The following WDR25 variants were observed in gnomAD, a reference collection of about 807,000 sequenced individuals.
WDR25 encodes the protein WD repeat-containing protein 25.
Under a neutral mutation model 47.7 loss-of-function variants are expected in WDR25, and 35 were observed. The observed-to-expected ratio is 0.73, with a 90% CI of 0.56 to 0.97. The LOEUF is 0.97. Among genes scored for constraint, WDR25 ranks in the 50% least tolerant of loss-of-function variants. WDR25 has a pLI of 0.00. For synonymous variants in WDR25, 248 were observed against 278.9 expected (o/e 0.89, Z 1.10); for missense variants, 634 against 704.7 (o/e 0.90, Z 1.14).
chr14:100,493,801 G>A (rs928238928), intron 4 of WDR25, among the ~76,000 whole-genome samples: 1 of 152,150 alleles, frequency 6.6e-6, no homozygotes, highest in Non-Finnish European at 1.5e-5. Flanking sequence ...ATTAGGAGGC[G>A]GAGTCATTGG....
In WDR25 at chr14:100,388,432, G is replaced by T. The variant is rs565018678; in HGVS notation, c.822+6686G>T. 2.0e-5 allele frequency among the ~76,000 whole-genome samples: 3 copies of T among 152,338 alleles called. No individual in the cohort carries two copies. The South Asian group carries it at 6.2e-4, about 32-fold the overall frequency. ...AGGTGTTTGGATGCTTCCTAGTCTGGACACTATATTTGCTTCTCTTCTTTC... is the reference window on the plus strand; with the variant it reads ...AGGTGTTTGGATGCTTCCTAGTCTGTACACTATATTTGCTTCTCTTCTTTC... On this transcript the variant is annotated intron_variant, in intron 2 of 6. Coordinates refer to ENST00000402312, the MANE Select transcript of WDR25 (RefSeq NM_001161476.3).
chr14:100,528,992 C>G lies in WDR25; in HGVS notation c.1273-76C>G. 5 of 1,477,398 alleles carry G rather than the reference C, an allele frequency of 3.4e-6. No individual in the cohort carries two copies. The South Asian group carries it at 7.2e-5, about 21-fold the overall frequency. 91.5% of individuals were successfully genotyped at this position (1,477,398 alleles called of 1,614,324 possible). ...GAGACACCCAGCTAGGGTCTGGGAG[C>G]AGGCCCCAGGCCCCAGAGCAGAGTG... is the stretch of plus-strand genomic sequence containing the variant. On this transcript the variant is annotated intron_variant, in intron 5 of 6. Coordinates refer to ENST00000402312, the MANE Select transcript of WDR25 (RefSeq NM_001161476.3).
intron 2 of WDR25, among the ~76,000 whole-genome samples, chr14:100,458,445 A>G (rs192983511): frequency 2.6e-5 from 4 of 152,294 alleles, no homozygotes; most frequent in South Asian, 4.1e-4. Flanking sequence ...AGAAATAGTA[A>G]AATCCACAAT....
chr14:100,504,200 A>G (rs1047267593), intron 4 of WDR25, among the ~76,000 whole-genome samples: 3 of 152,304 alleles, frequency 2.0e-5, no homozygotes, highest in African/African-American at 7.2e-5. Flanking sequence ...CCCATCTAGT[A>G]ATTTGGCAAT....
chr14:100,512,516 T>C (rs1215320036), intron 4 of WDR25, among the ~76,000 whole-genome samples: 1 of 152,188 alleles, frequency 6.6e-6, no homozygotes, highest in African/African-American at 2.4e-5. Context: ...TAGAGGCTTA[T>C]AAATTTTATT....
chr14:100,496,828 CTTTTTTTTTTTT>C (rs1226765543), intron 4 of WDR25, among the ~76,000 whole-genome samples: 4 of 73,424 alleles, frequency 5.4e-5, no homozygotes, highest in African/African-American at 1.0e-4. Flanking sequence ...TTCTTTAATT[CTTTTTTTTTTTT>C]TTTTTTTTTT....
At chr14:100,467,899 G>A (rs1335090970) in intron 2 of WDR25, 122 bp from the exon 3 acceptor site, 2 of 1,268,336 alleles carry the variant, frequency 1.6e-6, no homozygotes, top group Non-Finnish European at 2.2e-6. Flanking sequence ...ATATAGATTT[G>A]ATGGTAAAAT....
At chr14:100,457,960 C>A (rs1175661848) in intron 2 of WDR25, among the ~76,000 whole-genome samples, 1 of 151,918 alleles carries the variant, frequency 6.6e-6, no homozygotes, top group East Asian at 1.9e-4. Context: ...GATAAAATAA[C>A]AAAAGATATT....
intron 2 of WDR25, among the ~76,000 whole-genome samples, chr14:100,422,513 A>G (rs79464320): frequency 0.019 from 2,894 of 152,198 alleles, 56 homozygotes; most frequent in Non-Finnish European, 0.029. Flanking sequence ...GAGTTGGTAG[A>G]CCTGTTTTCA....
intron 2 of WDR25, among the ~76,000 whole-genome samples, chr14:100,415,719 G>C (rs771344717): frequency 4.6e-5 from 7 of 152,174 alleles, no homozygotes; most frequent in Admixed American, 1.3e-4. Context: ...ATCGCTATGG[G>C]AACTGGGGCT....
intron 2 of WDR25, among the ~76,000 whole-genome samples, chr14:100,416,348 T>G (rs573609874): frequency 6.6e-6 from 1 of 152,204 alleles, no homozygotes; most frequent in African/African-American, 2.4e-5. Context: ...CAACTCTGAT[T>G]GTCATTCCTT....
chr14:100,497,885 C>A (rs1013357203), intron 4 of WDR25, among the ~76,000 whole-genome samples: 1 of 152,120 alleles, frequency 6.6e-6, no homozygotes, highest in Non-Finnish European at 1.5e-5. Context: ...CCCTGGTTGT[C>A]CCCCGGTGGG....
intron 2 of WDR25, among the ~76,000 whole-genome samples, chr14:100,435,246 C>G (rs775925856): frequency 2.0e-5 from 3 of 152,194 alleles, no homozygotes; most frequent in African/African-American, 7.2e-5. Context: ...TGTACTTGCT[C>G]CTCCTGCTGG....
intron 3 of WDR25, among the ~76,000 whole-genome samples, chr14:100,476,159 T>C (rs1247196956): frequency 6.6e-6 from 1 of 152,198 alleles, no homozygotes; most frequent in East Asian, 1.9e-4. Context: ...CAGATGAGGA[T>C]ACCAGGGCTG....
intron 4 of WDR25, among the ~76,000 whole-genome samples, chr14:100,508,993 A>T (rs998256206): frequency 1.3e-5 from 2 of 152,136 alleles, no homozygotes; most frequent in Non-Finnish European, 2.9e-5. Flanking sequence ...TAATTTGTTA[A>T]GGATTTTTAA....
intron 3 of WDR25, among the ~76,000 whole-genome samples, chr14:100,482,795 C>A (rs1900248998): frequency 6.6e-6 from 1 of 152,226 alleles, no homozygotes; most frequent in African/African-American, 2.4e-5. Context: ...ATGCTTGAGA[C>A]CTCGGTGTCT....
intron 4 of WDR25, among the ~76,000 whole-genome samples, chr14:100,522,099 T>G (rs1287926919): frequency 6.6e-6 from 1 of 152,228 alleles, no homozygotes; most frequent in Non-Finnish European, 1.5e-5. Context: ...CTTTTTCATC[T>G]ATTTTTAGGG....
At position 100,516,930 on chromosome 14, in the gene WDR25, G is replaced by GT. The variant is rs796822380; in HGVS notation, c.1102-8926dup. Among the ~76,000 whole-genome samples the GT allele has an allele frequency of 4.3e-3, 595 of 138,574 alleles. 2 individuals are homozygous for GT. Among genetic ancestry groups the GT allele is most frequent in the East Asian group, 0.018 (88 of 4,798 alleles). 90.9% of individuals were successfully genotyped at this position (138,574 alleles called of 152,430 possible). On this transcript the variant is annotated intron_variant, in intron 4 of 6. Transcript: ENST00000402312. The stretch of plus-strand genomic sequence containing the variant: ...TGTTATTATTTTATTATTTGTCTCT[G>GT]TTTTTTTTTTTTTTAAAGGAGATGG...
At chr14:100,418,858 C>T (rs1897949239) in intron 2 of WDR25, among the ~76,000 whole-genome samples, 1 of 151,398 alleles carries the variant, frequency 6.6e-6, no homozygotes. Flanking sequence ...GGTCCCTACA[C>T]CCACAATTCC....
Sources: gnomAD v4.1 joint callset for allele counts (sites outside exome capture counted in the v4.1 genomes callset) on GRCh38, gnomAD v4.1.1 for gene constraint, MANE v1.5 for transcripts, NCBI Gene and HGNC (gene_info 2026-07-23, HGNC 2026-07-21) for gene names.